The following SEZ6 variants were observed in gnomAD, a reference collection of about 807,000 sequenced individuals.
The protein encoded by SEZ6 is seizure related 6 homolog, also known as seizure protein 6 homolog.
SEZ6 carries 53 observed loss-of-function variants against 101.0 expected under a neutral mutation model. That is an observed-to-expected ratio of 0.52 (90% CI 0.42 to 0.66). The LOEUF (loss-of-function observed/expected upper bound fraction) is 0.66. Among genes scored for constraint, SEZ6 ranks in the 30% least tolerant of loss-of-function variants. The probability of loss-of-function intolerance (pLI) is 0.00; values close to 1 mark genes in which losing one functional copy is unlikely to be tolerated. For synonymous variants in SEZ6, 488 were observed against 512.2 expected (o/e 0.95, Z 0.64); for missense variants, 1,102 against 1,289.4 (o/e 0.85, Z 2.23).
intron 1 of SEZ6, among the ~76,000 whole-genome samples, chr17:28,988,628 C>T (rs1215103282): frequency 1.3e-5 from 2 of 152,232 alleles, no homozygotes; most frequent in Non-Finnish European, 2.9e-5. Flanking sequence ...CCTCTCTTCC[C>T]CTGCCACTGA....
rs371753097 is a variant in SEZ6 at position 28,959,400 on chromosome 17, C to T, written c.1844G>A (p.Arg615His). The change falls in exon 9 of 17, where the codon CGT (arginine) becomes CAT (histidine). Residue 615 changes from arginine to histidine, a missense_variant. Arg to His is a conservative substitution (Grantham distance 29). Coordinates refer to ENST00000317338, the MANE Select transcript of SEZ6 (RefSeq NM_178860.5). This position sits in a 1 kb window ranked among gnomAD's most constrained non-coding sequence, Gnocchi z 4.4. ...CACACCCCAGATACAATCCTGCCCA[C>T]GACCGTAGGGCTCTGGCCAGTTGGG... Reference protein sequence around the residue: ...LSPNWPEPYGRGQDCIWGVHV... With the variant: ...LSPNWPEPYGHGQDCIWGVHV... 67 of 1,613,938 alleles carry T rather than the reference C, an allele frequency of 4.2e-5. No homozygotes were observed. Among genetic ancestry groups the T allele is most frequent in the East Asian group, 8.9e-5 (4 of 44,876 alleles).
intron 2 of SEZ6, among the ~76,000 whole-genome samples, chr17:28,980,323 C>T (rs1200208000): frequency 7.3e-5 from 11 of 151,058 alleles, no homozygotes; most frequent in African/African-American, 2.7e-4. Context: ...TTCTCCTGCT[C>T]AGCTTCCCGA....
In SEZ6 at chr17:28,959,686, G is replaced by C. The variant is rs373755715; in HGVS notation, c.1771+12C>G. On this transcript the variant is annotated intron_variant, in intron 8 of 16. Coordinates refer to ENST00000317338, the MANE Select transcript of SEZ6 (RefSeq NM_178860.5). The surrounding 1 kb of genome is among the most constrained non-coding windows in gnomAD (Gnocchi z 4.4). The stretch of plus-strand genomic sequence containing the variant: ...TTTTGCCCGGTAGGCCCATCCACTG[G>C]TGTCTACTGACCTCGGCAGGCTGGC... 263 of 1,574,572 alleles carry C rather than the reference G, an allele frequency of 1.7e-4. No individual in the cohort carries two copies. The highest frequency in any genetic ancestry group is 4.9e-4 in the Admixed American group (28 of 57,522).
intron 16 of SEZ6, 55 bp downstream of exon 16, chr17:28,956,104 A>G: frequency 1.9e-6 from 3 of 1,597,474 alleles, no homozygotes; most frequent in Non-Finnish European, 2.6e-6. Flanking sequence ...TATCTGCCCA[A>G]AGAAGCAAAG....
Sources: gnomAD v4.1 joint callset for allele counts (sites outside exome capture counted in the v4.1 genomes callset) on GRCh38, gnomAD v4.1.1 for gene constraint, Gnocchi (gnomAD v3.1) non-coding constraint, MANE v1.5 for transcripts, NCBI Gene and HGNC (gene_info 2026-07-23, HGNC 2026-07-21) for gene names.